MGST2: variants seen among roughly 807,000 people sequenced by gnomAD.
MGST2 encodes the protein glutathione peroxidase MGST2.
Under a neutral mutation model 16.6 loss-of-function variants are expected in MGST2, and 9 were observed. The observed-to-expected ratio is 0.54, with a 90% CI of 0.33 to 0.95. The LOEUF (loss-of-function observed/expected upper bound fraction) is 0.95, where lower values mean the gene tolerates loss of function less well. Ranked by LOEUF, MGST2 falls within the 40% of genes least tolerant of loss-of-function variation. MGST2 has a pLI of 0.03. For synonymous variants in MGST2, 79 were observed against 68.0 expected (o/e 1.16, Z -0.79); for missense variants, 159 against 175.1 (o/e 0.91, Z 0.52).
At chr4:139,688,972 G>A (rs956134705) in intron 2 of MGST2, among the ~76,000 whole-genome samples, 5 of 152,134 alleles carry the variant, frequency 3.3e-5, no homozygotes, top group Admixed American at 3.3e-4. Flanking sequence ...GCTGGGCGTG[G>A]TGGCACATGC....
At chr4:139,690,004 T>G (rs1381040731) in intron 2 of MGST2, among the ~76,000 whole-genome samples, 1 of 152,276 alleles carries the variant, frequency 6.6e-6, no homozygotes, top group Non-Finnish European at 1.5e-5. Context: ...AAAAAAAATT[T>G]TTTTTGAGAC....
chr4:139,700,652 C>A (rs1227024741), intron 3 of MGST2, among the ~76,000 whole-genome samples: 1 of 152,194 alleles, frequency 6.6e-6, no homozygotes, highest in African/African-American at 2.4e-5. Flanking sequence ...TTTGTACCAA[C>A]AACCCATGCA....
chr4:139,723,493 G>C (rs1728342336), intron 5 of MGST2, among the ~76,000 whole-genome samples: 1 of 152,084 alleles, frequency 6.6e-6, no homozygotes, highest in Non-Finnish European at 1.5e-5. Context: ...TGTATTTTTA[G>C]TAGAGACGGG....
chr4:139,707,714 C>A (rs1219446504), downstream of MGST2, among the ~76,000 whole-genome samples: 7 of 151,358 alleles, frequency 4.6e-5, no homozygotes, highest in Admixed American at 6.6e-5. Flanking sequence ...CTCTCCAGCA[C>A]CTGTTGTTTC....
At chr4:139,720,586 T>C (rs909557821) in intron 5 of MGST2, among the ~76,000 whole-genome samples, 2 of 152,236 alleles carry the variant, frequency 1.3e-5, no homozygotes, top group African/African-American at 4.8e-5. Flanking sequence ...TCCTATTCTT[T>C]TATTTGTATA....
chr4:139,730,935 T>C, intron 5 of MGST2: 1 of 507,128 alleles, frequency 2.0e-6, no homozygotes, highest in East Asian at 3.1e-5. Context: ...GGACTGACTA[T>C]TGCATATAGA....
At chr4:139,667,686 C>T (rs1231002993) in intron 1 of MGST2, among the ~76,000 whole-genome samples, 4 of 151,972 alleles carry the variant, frequency 2.6e-5, no homozygotes, top group Non-Finnish European at 4.4e-5. Context: ...GGTGAAACTC[C>T]GTCTCTACTT....
chr4:139,691,061 T>A (rs899287837), intron 2 of MGST2, among the ~76,000 whole-genome samples: 5 of 152,188 alleles, frequency 3.3e-5, no homozygotes, highest in African/African-American at 1.2e-4. Flanking sequence ...AAGATAGCGT[T>A]CATGGGAAGC....
At position 139,735,086 on chromosome 4, in the gene MGST2, C is replaced by G. The variant is rs561941753; in HGVS notation, c.*49-5126C>G. ...GCCCGCCCCTCCGCGGCCCCCGCCC[C>G]GCGCGTCTGGGCGAGCGCTGCGAAC... On this transcript the variant is annotated intron_variant, in intron 5 of 5. Coordinates refer to the MGST2 transcript ENST00000616265. This position sits in a 1 kb window ranked among gnomAD's most constrained non-coding sequence, Gnocchi z 5.8. 6.6e-6 allele frequency among the ~76,000 whole-genome samples: 1 copy of G among 152,206 alleles called. No individual in the cohort carries two copies. Among genetic ancestry groups the G allele is most frequent in the Non-Finnish European group, 1.5e-5 (1 of 68,030 alleles).
chr4:139,676,373 T>C (rs916447759), intron 1 of MGST2, among the ~76,000 whole-genome samples: 21 of 152,118 alleles, frequency 1.4e-4, no homozygotes, highest in Non-Finnish European at 1.5e-5. Context: ...CACTCACACA[T>C]AGACACACAC....
At chr4:139,667,237 T>C (rs8192013) in intron 1 of MGST2, among the ~76,000 whole-genome samples, 30,318 of 152,044 alleles carry the variant, frequency 0.2, 3,333 homozygotes, top group East Asian at 0.38. Context: ...TAGTTCACGA[T>C]GTACGGAGAA....
intron 5 of MGST2, chr4:139,720,411 C>G: frequency 8.1e-7 from 1 of 1,230,632 alleles, no homozygotes. Context: ...TTGGGAATGA[C>G]AAAATTCCTT....
At chr4:139,672,563 C>T (rs1168489379) in intron 1 of MGST2, among the ~76,000 whole-genome samples, 1 of 151,610 alleles carries the variant, frequency 6.6e-6, no homozygotes, top group African/African-American at 2.4e-5. Flanking sequence ...ACTCCAATCC[C>T]AAGCATTTAC....
chr4:139,712,973 G>T (rs944089707), intron 5 of MGST2, among the ~76,000 whole-genome samples: 2 of 152,196 alleles, frequency 1.3e-5, no homozygotes, highest in African/African-American at 4.8e-5. Flanking sequence ...CTGAAGTCAG[G>T]TTAGAGAGAA....
At chr4:139,678,451 T>C (rs957506841) in intron 1 of MGST2, 92 bp from the exon 2 acceptor site, 1 of 875,140 alleles carries the variant, frequency 1.1e-6, no homozygotes, top group Non-Finnish European at 1.9e-6. Flanking sequence ...GTAATAGGTA[T>C]GTAGTACTAT....
downstream of MGST2, among the ~76,000 whole-genome samples, chr4:139,742,990 T>G (rs1211232589): frequency 6.6e-6 from 1 of 152,194 alleles, no homozygotes. Context: ...AAGCCAAGTC[T>G]GACCTCCTTA....
chr4:139,683,035 T>C lies in MGST2; in HGVS notation c.158+4393T>C, dbSNP rs141169062. On this transcript the variant is annotated intron_variant, in intron 2 of 4. Coordinates refer to ENST00000265498, the MANE Select transcript of MGST2 (RefSeq NM_002413.5). Reference sequence around the variant, plus strand: ...CTCCACCCTGTTCCTCCAGTGAGCATGCAGGCTTTATTCAGAAAGAATCAG... The same window carrying C: ...CTCCACCCTGTTCCTCCAGTGAGCACGCAGGCTTTATTCAGAAAGAATCAG... 6.6e-5 allele frequency among the ~76,000 whole-genome samples: 10 copies of C among 152,316 alleles called. No homozygotes were observed. The East Asian group carries it at 1.7e-3, about 27-fold the overall frequency.
intron 3 of MGST2, among the ~76,000 whole-genome samples, chr4:139,700,751 C>T (rs377111878): frequency 6.6e-6 from 1 of 152,294 alleles, no homozygotes; most frequent in African/African-American, 2.4e-5. Flanking sequence ...CTGGGGTATC[C>T]TTGGTGAGCT....
At chr4:139,684,679 T>C (rs553578410) in intron 2 of MGST2, among the ~76,000 whole-genome samples, 1 of 152,182 alleles carries the variant, frequency 6.6e-6, no homozygotes, top group African/African-American at 2.4e-5. Flanking sequence ...TCTTTAAACC[T>C]CCTTCAGGGG....
Sources: allele counts gnomAD v4.1 joint callset (sites outside exome capture counted in the v4.1 genomes callset), GRCh38; gene constraint gnomAD v4.1.1; non-coding constraint Gnocchi (gnomAD v3.1); transcripts MANE v1.5; gene names NCBI Gene and HGNC (gene_info 2026-07-23, HGNC 2026-07-21).